Variants in SH3KBP1 observed in about 807,000 individuals in gnomAD.
The protein encoded by SH3KBP1 is SH3 domain-containing kinase-binding protein 1.
SH3KBP1 carries 8 observed loss-of-function variants against 50.1 expected under a neutral mutation model. The ratio of observed to expected loss-of-function variants is 0.16; its 90% CI spans 0.09 to 0.29. SH3KBP1 has a LOEUF of 0.29. SH3KBP1 is among the 10% of genes least tolerant of loss of function. The pLI, the probability that SH3KBP1 is intolerant of heterozygous loss-of-function variation, is 1.00. For missense variants in SH3KBP1, 377 were observed against 535.2 expected (o/e 0.70, Z 2.92); for synonymous variants, 227 against 218.6 (o/e 1.04, Z -0.34).
At chrX:19,606,679 A>C (rs774947950) in intron 9 of SH3KBP1, among the ~76,000 whole-genome samples, 56 of 112,320 alleles carry the variant, frequency 5.0e-4, no homozygotes, top group Non-Finnish European at 9.4e-4. Context: ...ATATGCAAGC[A>C]AATCACCAGA....
chrX:19,611,127 C>T (rs2067398865), intron 8 of SH3KBP1, among the ~76,000 whole-genome samples: 1 of 111,031 alleles, frequency 9.0e-6, no homozygotes, highest in Admixed American at 9.6e-5. Flanking sequence ...CTCAAGGGAT[C>T]CATCTGCCTC....
At chrX:19,792,088 T>C (rs1467919670) in intron 2 of SH3KBP1, among the ~76,000 whole-genome samples, 1 of 111,471 alleles carries the variant, frequency 9.0e-6, no homozygotes, top group Non-Finnish European at 1.9e-5. Context: ...CGGTTTTGCA[T>C]GTTAACAGCA....
chrX:19,549,721 G>A (rs1301363382), intron 14 of SH3KBP1, among the ~76,000 whole-genome samples: 1 of 111,864 alleles, frequency 8.9e-6, no homozygotes, highest in Non-Finnish European at 1.9e-5. Flanking sequence ...CAGTCTGGAA[G>A]GAAAGAAAAG....
intron 14 of SH3KBP1, among the ~76,000 whole-genome samples, chrX:19,548,825 AAGAGAG>A (rs61301072): frequency 2.0e-5 from 2 of 102,476 alleles, no homozygotes; most frequent in South Asian, 4.6e-4. Flanking sequence ...TATGGAAATA[AAGAGAG>A]AGAGAGAGAG....
At chrX:19,803,955 G>A (rs772543483) in intron 2 of SH3KBP1, among the ~76,000 whole-genome samples, 4 of 111,032 alleles carry the variant, frequency 3.6e-5, no homozygotes, top group Admixed American at 1.9e-4. Context: ...GGCGGATCAC[G>A]AGGTCAGGAG....
intron 6 of SH3KBP1, among the ~76,000 whole-genome samples, chrX:19,666,300 G>A (rs750413422): frequency 1.3e-4 from 14 of 110,628 alleles, no homozygotes; most frequent in Non-Finnish European, 2.5e-4. Context: ...ATCTTTTTTC[G>A]AGAGAACTGT....
chrX:19,664,112 G>A (rs892327470), intron 6 of SH3KBP1, among the ~76,000 whole-genome samples: 2 of 111,249 alleles, frequency 1.8e-5, no homozygotes, highest in African/African-American at 3.3e-5. Context: ...TCAATGGGAC[G>A]CCTCTTTCTC....
intron 1 of SH3KBP1, among the ~76,000 whole-genome samples, chrX:19,866,466 G>T (rs1160512997): frequency 9.0e-6 from 1 of 110,694 alleles, no homozygotes; most frequent in Admixed American, 9.6e-5. Context: ...CACTTTGGGA[G>T]GCCGAGATGC....
In SH3KBP1 at chrX:19,727,789, T is replaced by A. The variant is rs189852897; in HGVS notation, c.286+18529A>T. On this transcript the variant is annotated intron_variant, in intron 3 of 17. Coordinates refer to ENST00000397821, the MANE Select transcript of SH3KBP1 (RefSeq NM_031892.3). Reference sequence around the variant, plus strand: ...TCACAAGGTCAAGAGATTGAGACTATCTTGGCCAACATGGTGAAACCCAGT... The same window carrying A: ...TCACAAGGTCAAGAGATTGAGACTAACTTGGCCAACATGGTGAAACCCAGT... Among the ~76,000 whole-genome samples, 16 of 112,012 alleles carry A rather than the reference T, an allele frequency of 1.4e-4. 1 individual carries two copies. The East Asian group carries it at 4.5e-3, about 31-fold the overall frequency.
intron 2 of SH3KBP1, among the ~76,000 whole-genome samples, chrX:19,818,095 A>G (rs770377033): frequency 2.7e-5 from 3 of 112,363 alleles, no homozygotes; most frequent in Non-Finnish European, 3.8e-5. Flanking sequence ...ATACTACTCT[A>G]TGATGTTCAC....
At chrX:19,659,509 C>T (rs1190098445) in intron 6 of SH3KBP1, among the ~76,000 whole-genome samples, 1 of 111,435 alleles carries the variant, frequency 9.0e-6, no homozygotes, top group Non-Finnish European at 1.9e-5. Context: ...AACAAGAGAC[C>T]TTCCCACCTC....
chrX:19,831,429 AG>A lies in SH3KBP1; in HGVS notation c.162+4695del, dbSNP rs1460563903. Among the ~76,000 whole-genome samples, 21 of 106,942 alleles carry A rather than the reference AG, an allele frequency of 2.0e-4. 1 individual carries two copies. Among genetic ancestry groups the A allele is most frequent in the African/African-American group, 6.5e-4 (19 of 29,090 alleles). The allele number at this position is 106,942 out of a possible 115,157, so 92.9% of individuals were successfully genotyped here. On this transcript the variant is annotated intron_variant, in intron 2 of 17. Coordinates refer to ENST00000397821, the MANE Select transcript of SH3KBP1 (RefSeq NM_031892.3). Reference sequence around the variant, plus strand: ...ACCCATCTCAAAAAAAAAAAAAAAAAGAAAAGAAAATGCTTAAGGTAGGCTC... The same window carrying A: ...ACCCATCTCAAAAAAAAAAAAAAAAAAAAAGAAAATGCTTAAGGTAGGCTC...
chrX:19,632,719 T>G (rs1384979406), intron 7 of SH3KBP1, among the ~76,000 whole-genome samples: 1 of 112,973 alleles, frequency 8.9e-6, no homozygotes, highest in Non-Finnish European at 1.9e-5. Flanking sequence ...TGAAAGTCCA[T>G]GTGCTGTTAA....
intron 14 of SH3KBP1, among the ~76,000 whole-genome samples, chrX:19,547,426 G>A (rs760017669): frequency 6.3e-4 from 70 of 111,403 alleles, no homozygotes; most frequent in Middle Eastern, 4.6e-3. Flanking sequence ...CAAAAATATC[G>A]TATGTTTTCT....
chrX:19,828,182 G>T (rs11797751), intron 2 of SH3KBP1, among the ~76,000 whole-genome samples: 1 of 110,561 alleles, frequency 9.0e-6, no homozygotes, highest in Admixed American at 9.6e-5. Context: ...CAAAGGTAAA[G>T]ATTTTATTGT....
intron 2 of SH3KBP1, among the ~76,000 whole-genome samples, chrX:19,764,914 T>C (rs1031746931): frequency 2.3e-4 from 25 of 106,974 alleles, no homozygotes; most frequent in African/African-American, 6.9e-4. Flanking sequence ...GTTCAAGCGA[T>C]TCTTCTGCCT....
intron 1 of SH3KBP1, among the ~76,000 whole-genome samples, chrX:19,872,546 C>T (rs1298418670): frequency 1.8e-5 from 2 of 109,233 alleles, no homozygotes; most frequent in Non-Finnish European, 3.8e-5. Context: ...CCGAGGCGGG[C>T]GGATCACGAG....
Position 19,653,487 on chromosome X carries a change from C to T in SH3KBP1, c.727-8012G>A, listed in dbSNP as rs60760141. ...CAGCACTTTGGGAGGCCGAGGCAGGCGGATCATGAGGTCAGGAGGTCGAGA... is the reference window on the plus strand; with the variant it reads ...CAGCACTTTGGGAGGCCGAGGCAGGTGGATCATGAGGTCAGGAGGTCGAGA... On this transcript the variant is annotated intron_variant, in intron 6 of 17. Transcript: ENST00000397821. Among the ~76,000 whole-genome samples the T allele has an allele frequency of 2.7e-4, 30 of 110,171 alleles. 1 individual carries two copies. Among genetic ancestry groups the T allele is most frequent in the Admixed American group, 2.1e-3 (22 of 10,378 alleles).
At chrX:19,549,140 T>C (rs2065169239) in intron 14 of SH3KBP1, among the ~76,000 whole-genome samples, 1 of 112,163 alleles carries the variant, frequency 8.9e-6, no homozygotes. Flanking sequence ...CAGGGAAGAA[T>C]GTGTCATGAC....
Sources: allele counts gnomAD v4.1 joint callset (sites outside exome capture counted in the v4.1 genomes callset), GRCh38; gene constraint gnomAD v4.1.1; transcripts MANE v1.5; gene names NCBI Gene and HGNC (gene_info 2026-07-23, HGNC 2026-07-21).